Variants in ZRANB1 observed in about 807,000 individuals in gnomAD.
ZRANB1 encodes ubiquitin thioesterase ZRANB1.
A neutral mutation model predicts 80.5 loss-of-function variants in ZRANB1; 16 were observed. The observed-to-expected ratio is 0.20, with a 90% confidence interval of 0.13 to 0.30. The LOEUF (loss-of-function observed/expected upper bound fraction) is 0.30, where lower values mean the gene tolerates loss of function less well. ZRANB1 is among the 10% of genes least tolerant of loss of function. ZRANB1 has a pLI of 1.00. For synonymous variants in ZRANB1, 291 were observed against 293.1 expected (o/e 0.99, Z 0.07); for missense variants, 576 against 862.6 (o/e 0.67, Z 4.16).
chr10:124,943,250 A>G lies in ZRANB1; in HGVS notation c.757A>G (p.Lys253Glu). 1 of 1,614,124 alleles carries G rather than the reference A, an allele frequency of 6.2e-7. No homozygotes were observed. The highest frequency in any genetic ancestry group is 1.3e-5 in the African/African-American group (1 of 75,040). ...ACTTGAAGTAGACTTTAAAAAACTA[A>G]AGCAAATTAAAAACAGGATGAAAAA... is the stretch of plus-strand genomic sequence containing the variant. ...EELEVDFKKL[K>E]QIKNRMKKTD... is the part of the protein sequence containing the mutation. The change falls in exon 1 of 9, where the codon AAG (lysine) becomes GAG (glutamate). Residue 253 changes from lysine to glutamate, a missense_variant. Transcript: ENST00000359653.
intron 1 of ZRANB1, among the ~76,000 whole-genome samples, chr10:124,962,062 A>G (rs994095966): frequency 6.6e-6 from 1 of 152,232 alleles, no homozygotes; most frequent in Non-Finnish European, 1.5e-5. Flanking sequence ...ACAGCTCATT[A>G]GTTTTGAAAG....
At chr10:124,922,334 A>C in the ZRANB1 span, among the ~76,000 whole-genome samples, 58 of 41,422 alleles carry the variant, frequency 1.4e-3, 1 homozygote, top group African/African-American at 3.2e-3. Context: ...ATGTATATAT[A>C]TATTTTTTTT....
At chr10:124,924,906 TG>T in the ZRANB1 span, among the ~76,000 whole-genome samples, 1 of 150,562 alleles carries the variant, frequency 6.6e-6, no homozygotes, top group African/African-American at 2.4e-5. Context: ...TGCATCATTT[TG>T]CTGTTTTTTT....
At chr10:124,949,497 A>G (rs1951616332) in intron 1 of ZRANB1, among the ~76,000 whole-genome samples, 1 of 78,000 alleles carries the variant, frequency 1.3e-5, no homozygotes, top group Non-Finnish European at 2.2e-5. Context: ...ATTCACGTAT[A>G]CACACACACA....
At chr10:124,925,769 A>G in the ZRANB1 span, among the ~76,000 whole-genome samples, 1 of 152,148 alleles carries the variant, frequency 6.6e-6, no homozygotes, top group African/African-American at 2.4e-5. Context: ...GTTTTTTTGC[A>G]TGTGGCTGTC....
At position 124,942,197 on chromosome 10, in the gene ZRANB1, G is replaced by A. The variant is rs148893745; in HGVS notation, c.-297G>A. The A allele has an allele frequency of 1.0e-3, 1,214 of 1,184,472 alleles. 7 individuals are homozygous for A. The African/African-American group carries it at 0.017, about 16-fold the overall frequency. The allele number at this position is 1,184,472 out of a possible 1,614,324, so 73.4% of individuals were successfully genotyped here. A position where few individuals can be genotyped will look rare whatever the true frequency, so the allele number is the denominator to read the frequency against. ...TCTCATCCTTCTTAGATCAAACCTC[G>A]TTATATCTCCTGCCTATCTCTTTTG... On this transcript the variant is annotated 5_prime_UTR_variant, in exon 1 of 9. Transcript: ENST00000359653.
chr10:124,922,314 TGTAAA>T, the ZRANB1 span, among the ~76,000 whole-genome samples: 9,692 of 34,486 alleles, frequency 0.28, 670 homozygotes, highest in East Asian at 0.54. Context: ...TATATATATA[TGTAAA>T]ATATATGTAT....
At chr10:124,935,739 A>G in the ZRANB1 span, among the ~76,000 whole-genome samples, 2 of 152,186 alleles carry the variant, frequency 1.3e-5, no homozygotes, top group Non-Finnish European at 2.9e-5. Context: ...TCTTTCATCA[A>G]GTCATTCAAC....
chr10:124,942,235 C>G lies in ZRANB1; in HGVS notation c.-259C>G. On this transcript the variant is annotated 5_prime_UTR_variant, in exon 1 of 9. The change creates a premature stop within an existing upstream ORF in the 5' untranslated region. Transcript: ENST00000359653. ...CCTATCTCTTTTGCATTCCAAAGTT[C>G]AGTTTTATTAAATCCCAGGGTCTAA... 1.5e-6 allele frequency: 2 copies of G among 1,290,610 alleles called. No individual in the cohort carries two copies. Among genetic ancestry groups the G allele is most frequent in the Non-Finnish European group, 2.0e-6 (2 of 1,016,878 alleles). The allele number at this position is 1,290,610 out of a possible 1,614,324, so 79.9% of individuals were successfully genotyped here. A position where few individuals can be genotyped will look rare whatever the true frequency, so the allele number is the denominator to read the frequency against.
chr10:124,948,908 A>T (rs1449780734), intron 1 of ZRANB1, among the ~76,000 whole-genome samples: 1 of 152,150 alleles, frequency 6.6e-6, no homozygotes, highest in Admixed American at 6.5e-5. Context: ...GCAAACCTTT[A>T]TCCTACTCCT....
chr10:124,969,505 G>T (rs1355131048), intron 2 of ZRANB1, among the ~76,000 whole-genome samples: 2 of 152,136 alleles, frequency 1.3e-5, no homozygotes, highest in African/African-American at 4.8e-5. Flanking sequence ...CATTAGAGTT[G>T]GGGATATGTA....
chr10:124,917,181 T>TGCCGCCGCCGCCGCCGCCGCCGCCGCC, the ZRANB1 span: 1 of 166,180 alleles, frequency 6.0e-6, no homozygotes, highest in African/African-American at 2.5e-5. Flanking sequence ...GAGTCGCCGC[T>TGCCGCCGCCGCCGCCGCCGCCGCCGCC]GCCGCCGCCG....
Position 124,955,383 on chromosome 10 carries a change from G to A in ZRANB1, c.815-11211G>A, listed in dbSNP as rs577507306. Among the ~76,000 whole-genome samples, 136 of 152,038 alleles carry A rather than the reference G, an allele frequency of 8.9e-4. 1 individual carries two copies. Among genetic ancestry groups the A allele is most frequent in the South Asian group, 2.3e-3 (11 of 4,810 alleles). ...CCCTAGTAGCTGTGATTACAGGCATGAGCTACCATGCCTGGACACATTAAA... is the reference window on the plus strand; with the variant it reads ...CCCTAGTAGCTGTGATTACAGGCATAAGCTACCATGCCTGGACACATTAAA... On this transcript the variant is annotated intron_variant, in intron 1 of 8. Coordinates refer to ENST00000359653, the MANE Select transcript of ZRANB1 (RefSeq NM_017580.3).
chr10:124,975,745 C>T (rs1951871588), intron 5 of ZRANB1, among the ~76,000 whole-genome samples: 1 of 152,152 alleles, frequency 6.6e-6, no homozygotes, highest in African/African-American at 2.4e-5. Flanking sequence ...CTCATGCCTG[C>T]AATCCTATTG....
chr10:124,969,720 T>C (rs1469380685), intron 2 of ZRANB1, among the ~76,000 whole-genome samples: 2 of 152,182 alleles, frequency 1.3e-5, no homozygotes, highest in Non-Finnish European at 2.9e-5. Context: ...CATTTTAATA[T>C]AGGTAAAAAG....
chr10:124,972,271 A>G (rs1235667750), intron 3 of ZRANB1, among the ~76,000 whole-genome samples, 153 bp downstream of exon 3: 1 of 152,220 alleles, frequency 6.6e-6, no homozygotes, highest in African/African-American at 2.4e-5. Flanking sequence ...GCTGGAAGTG[A>G]GCATACAGAG....
At chr10:124,923,724 G>A in the ZRANB1 span, among the ~76,000 whole-genome samples, 1 of 151,894 alleles carries the variant, frequency 6.6e-6, no homozygotes, top group Non-Finnish European at 1.5e-5. Flanking sequence ...GAGAGAGAGA[G>A]TGAGCAGGGG....
intron 1 of ZRANB1, among the ~76,000 whole-genome samples, chr10:124,946,744 T>G (rs1416057348): frequency 6.6e-6 from 1 of 152,194 alleles, no homozygotes; most frequent in East Asian, 1.9e-4. Context: ...TGTTAAATAC[T>G]TTTTTTAAAC....
chr10:124,936,559 A>G, the ZRANB1 span, among the ~76,000 whole-genome samples: 1 of 152,192 alleles, frequency 6.6e-6, no homozygotes, highest in African/African-American at 2.4e-5. Context: ...TTAGATTTGT[A>G]GATAAAGGGT....
Sources: allele counts gnomAD v4.1 joint callset (sites outside exome capture counted in the v4.1 genomes callset), GRCh38; gene constraint gnomAD v4.1.1; transcripts MANE v1.5; gene names NCBI Gene and HGNC (gene_info 2026-07-23, HGNC 2026-07-21).